Variants in ALG6 observed in about 807,000 individuals in gnomAD.
ALG6 encodes dolichyl pyrophosphate Man9GlcNAc2 alpha-1,3-glucosyltransferase.
In ALG6, 46 loss-of-function variants were observed where a neutral mutation model predicts 66.6. That is an observed-to-expected ratio of 0.69 (90% CI 0.55 to 0.88). ALG6 has a LOEUF of 0.88. Among genes scored for constraint, ALG6 ranks in the 40% least tolerant of loss-of-function variants. The pLI, the probability that ALG6 is intolerant of heterozygous loss-of-function variation, is 0.00. For missense variants in ALG6, 505 were observed against 586.8 expected (o/e 0.86, Z 1.44); for synonymous variants, 185 against 203.7 (o/e 0.91, Z 0.78).
At chr1:63,416,041 T>C in intron 11 of ALG6, 84 bp downstream of exon 11, 1 of 1,018,356 alleles carries the variant, frequency 9.8e-7, no homozygotes, top group South Asian at 1.4e-5. Flanking sequence ...ACAGGATTTA[T>C]TGGGTTGGGA....
chr1:63,422,899 G>C (rs1487384395), intron 12 of ALG6, among the ~76,000 whole-genome samples: 2 of 152,052 alleles, frequency 1.3e-5, no homozygotes, highest in Admixed American at 6.6e-5. Flanking sequence ...AGGTTGCGGT[G>C]AGCCAAGATT....
At chr1:63,418,439 T>G (rs1644556340) in intron 11 of ALG6, among the ~76,000 whole-genome samples, 1 of 151,954 alleles carries the variant, frequency 6.6e-6, no homozygotes, top group Non-Finnish European at 1.5e-5. Flanking sequence ...ATATTTTTCC[T>G]TAAGGCAGGA....
chr1:63,369,579 A>G (rs1322903229), intron 1 of ALG6, among the ~76,000 whole-genome samples: 1 of 151,714 alleles, frequency 6.6e-6, no homozygotes, highest in Non-Finnish European at 1.5e-5. Flanking sequence ...CGGTGAGCCG[A>G]TATTGTGCCA....
rs144514675 is a variant in ALG6 at position 63,378,911 on chromosome 1, T to G, written c.82+7852T>G. Among the ~76,000 whole-genome samples, 753 of 150,158 alleles carry G rather than the reference T, an allele frequency of 5.0e-3. 6 individuals carry two copies. The highest frequency in any genetic ancestry group is 8.4e-3 in the Non-Finnish European group (572 of 67,706). On this transcript the variant is annotated intron_variant, in intron 2 of 14. Transcript: ENST00000263440. Reference sequence around the variant, plus strand: ...TTGAATGTTAAGGTTTCAGTTATTATATTTTTTATTTCCAGAAGTTCTCTT... The same window carrying G: ...TTGAATGTTAAGGTTTCAGTTATTAGATTTTTTATTTCCAGAAGTTCTCTT...
intron 2 of ALG6, among the ~76,000 whole-genome samples, chr1:63,371,503 A>G (rs1037278662): frequency 2.6e-5 from 4 of 152,318 alleles, no homozygotes; most frequent in Non-Finnish European, 4.4e-5. Flanking sequence ...GTAACTCTGC[A>G]GGTACCTATT....
chr1:63,422,456 AATATAAATATAT>A (rs1041681705), intron 12 of ALG6, among the ~76,000 whole-genome samples: 16 of 39,636 alleles, frequency 4.0e-4, no homozygotes, highest in South Asian at 1.6e-3. Context: ...TATATATATA[AATATAAATATAT>A]ATATAAATAT....
chr1:63,436,890 A>G lies in ALG6; in HGVS notation c.1394A>G (p.Lys465Arg), dbSNP rs958873523. Residue 465 changes from lysine (K) to arginine (R), a missense_variant, in exon 15 of 15, where the codon AAA becomes AGA. Coordinates refer to ENST00000263440, the MANE Select transcript of ALG6 (RefSeq NM_013339.4). Reference sequence around the variant, plus strand: ...ACTGTCACACTGGATCCTCCTCAGAAACTACCGGACTTGTTTTCTGTATTG... The same window carrying G: ...ACTGTCACACTGGATCCTCCTCAGAGACTACCGGACTTGTTTTCTGTATTG... ...LMTVTLDPPQKLPDLFSVLVC... is the reference protein window; with the variant it reads ...LMTVTLDPPQRLPDLFSVLVC... The G allele has an allele frequency of 8.7e-6, 14 of 1,613,788 alleles. No homozygotes were observed. The highest frequency in any genetic ancestry group is 1.1e-5 in the Non-Finnish European group (13 of 1,179,852).
chr1:63,423,352 A>G (rs910084205), intron 12 of ALG6, among the ~76,000 whole-genome samples: 1 of 152,170 alleles, frequency 6.6e-6, no homozygotes, highest in Non-Finnish European at 1.5e-5. Context: ...AGAAATATTT[A>G]AAATTATATT....
chr1:63,437,824 A>G lies in ALG6; in HGVS notation c.*804A>G. 1 of 151,636 alleles carries G rather than the reference A, an allele frequency of 6.6e-6. No homozygotes were observed. The highest frequency in any genetic ancestry group is 1.5e-5 in the Non-Finnish European group (1 of 67,912). The allele number at this position is 151,636 out of a possible 1,614,324, so 9.4% of individuals were successfully genotyped here. A position where few individuals can be genotyped will look rare whatever the true frequency, so the allele number is the denominator to read the frequency against. ...TAATTAAACATTATATTATATATAT[A>G]TTATTATTGACATGGTTCAGGGTTA... On this transcript the variant is annotated 3_prime_UTR_variant, in exon 15 of 15. Coordinates refer to ENST00000263440, the MANE Select transcript of ALG6 (RefSeq NM_013339.4).
At chr1:63,416,171 T>C (rs2100425352) in intron 11 of ALG6, among the ~76,000 whole-genome samples, 2 of 152,362 alleles carry the variant, frequency 1.3e-5, no homozygotes, top group East Asian at 3.9e-4. Flanking sequence ...TTAATTTGTT[T>C]CGTATTAGTT....
At chr1:63,416,336 A>G (rs1644546043) in intron 11 of ALG6, among the ~76,000 whole-genome samples, 1 of 151,938 alleles carries the variant, frequency 6.6e-6, no homozygotes, top group Admixed American at 6.6e-5. Context: ...AGATTTTAGA[A>G]TGCTGTTTAG....
rs186642735 is a variant in ALG6, at chr1:63,373,743, C to T, written c.82+2684C>T. Among the ~76,000 whole-genome samples the T allele has an allele frequency of 3.3e-3, 490 of 149,044 alleles. 1 individual carries two copies. The highest frequency in any genetic ancestry group is 5.0e-3 in the Non-Finnish European group (338 of 67,632). On this transcript the variant is annotated intron_variant, in intron 2 of 14. Coordinates refer to ENST00000263440, the MANE Select transcript of ALG6 (RefSeq NM_013339.4). ...TGGCATGATCTTGGCTCACTGCAGCCTTGACCTCTTGGGACCACAGGCATG... is the reference window on the plus strand; with the variant it reads ...TGGCATGATCTTGGCTCACTGCAGCTTTGACCTCTTGGGACCACAGGCATG...
chr1:63,391,764 T>A (rs11208205), intron 2 of ALG6, among the ~76,000 whole-genome samples: 24,510 of 152,232 alleles, frequency 0.16, 2,350 homozygotes, highest in South Asian at 0.23. Context: ...ATTTGATTTT[T>A]TCTGAAATGT....
intron 12 of ALG6, among the ~76,000 whole-genome samples, chr1:63,426,070 G>A (rs1644613752): frequency 6.6e-6 from 1 of 152,128 alleles, no homozygotes; most frequent in South Asian, 2.1e-4. Context: ...CTATGTATAT[G>A]TTAAAATTGC....
intron 2 of ALG6, among the ~76,000 whole-genome samples, chr1:63,387,509 A>G (rs1648534653): frequency 7.5e-6 from 1 of 133,538 alleles, no homozygotes; most frequent in South Asian, 2.5e-4. Context: ...TTGTCATTAT[A>G]TAATGACCTT....
Position 63,402,344 on chromosome 1 carries a change from G to C in ALG6, c.257+1G>C. 6.2e-7 allele frequency: 1 copy of C among 1,600,894 alleles called. No individual in the cohort carries two copies. Among genetic ancestry groups the C allele is most frequent in the South Asian group, 1.1e-5 (1 of 90,810 alleles). On this transcript the variant is annotated splice_donor_variant, in intron 4 of 14. Coordinates refer to ENST00000263440, the MANE Select transcript of ALG6 (RefSeq NM_013339.4). LOFTEE classifies it high-confidence loss of function. ...ATCATAGTCTCCTATGTGCATATGT[G>C]TAAGTTTTTCTTTCTTAATGTAACT...
intron 9 of ALG6, 105 bp from the exon 10 acceptor site, chr1:63,413,956 G>C: frequency 2.5e-6 from 2 of 803,102 alleles, no homozygotes; most frequent in East Asian, 2.6e-5. Context: ...GTGACTAAAA[G>C]TTTCACATCT....
At chr1:63,375,977 G>A (rs1456635006) in intron 2 of ALG6, among the ~76,000 whole-genome samples, 1 of 151,492 alleles carries the variant, frequency 6.6e-6, no homozygotes, top group Non-Finnish European at 1.5e-5. Context: ...ATAGTTAGTG[G>A]TGTTTCATTT....
chr1:63,401,313 A>G (rs548078989), intron 3 of ALG6, among the ~76,000 whole-genome samples: 3 of 152,328 alleles, frequency 2.0e-5, no homozygotes, highest in East Asian at 3.9e-4. Context: ...TGCTAATTTA[A>G]AGAAATATTT....
Sources: allele counts gnomAD v4.1 joint callset (sites outside exome capture counted in the v4.1 genomes callset), GRCh38; gene constraint gnomAD v4.1.1; transcripts MANE v1.5; gene names NCBI Gene and HGNC (gene_info 2026-07-23, HGNC 2026-07-21).